The following ADAM2 variants were observed in gnomAD, a reference collection of about 807,000 sequenced individuals.
The protein encoded by ADAM2 is disintegrin and metalloproteinase domain-containing protein 2.
Under a neutral mutation model 99.3 loss-of-function variants are expected in ADAM2, and 101 were observed. The ratio of observed to expected loss-of-function variants is 1.02; its 90% CI spans 0.87 to 1.20. ADAM2 has a LOEUF of 1.20. Among genes scored for constraint, ADAM2 ranks in the 50% most tolerant of loss-of-function variants. ADAM2 has a pLI of 0.00. For missense variants in ADAM2, 948 were observed against 878.7 expected (o/e 1.08, Z -1.00); for synonymous variants, 323 against 287.6 (o/e 1.12, Z -1.25).
intron 7 of ADAM2, among the ~76,000 whole-genome samples, chr8:39,792,841 TAGAA>T (rs1215973549): frequency 3.3e-5 from 5 of 152,084 alleles, no homozygotes; most frequent in Non-Finnish European, 7.4e-5. Context: ...AGCCCATACA[TAGAA>T]AATGCTTTTT....
intron 4 of ADAM2, among the ~76,000 whole-genome samples, chr8:39,823,247 G>T (rs1805270655): frequency 6.6e-6 from 1 of 152,064 alleles, no homozygotes; most frequent in Non-Finnish European, 1.5e-5. Context: ...GGTTTAGCTG[G>T]CTGATTTTTT....
At chr8:39,786,867 G>A (rs1379270250) in intron 10 of ADAM2, 107 bp downstream of exon 10, 5 of 754,860 alleles carry the variant, frequency 6.6e-6, no homozygotes, top group Non-Finnish European at 1.0e-5. Flanking sequence ...CAGTGACAAA[G>A]ATGCTTAGAA....
chr8:39,833,867 A>T, intron 3 of ADAM2, 77 bp downstream of exon 3: 6 of 814,042 alleles, frequency 7.4e-6, no homozygotes, highest in Non-Finnish European at 1.0e-5. Context: ...AATACAAAAT[A>T]ATTACATTCT....
chr8:39,797,195 G>A (rs922359520), intron 7 of ADAM2, among the ~76,000 whole-genome samples: 13 of 152,184 alleles, frequency 8.5e-5, no homozygotes, highest in African/African-American at 2.4e-4. Context: ...TTACATTTAA[G>A]TCTTTAATCC....
chr8:39,757,318 A>G (rs757001481), intron 15 of ADAM2, among the ~76,000 whole-genome samples: 1 of 152,120 alleles, frequency 6.6e-6, no homozygotes, highest in Non-Finnish European at 1.5e-5. Flanking sequence ...CACACTTTGA[A>G]GACACCGGAA....
intron 3 of ADAM2, among the ~76,000 whole-genome samples, chr8:39,826,726 A>G (rs1183456283): frequency 6.6e-6 from 1 of 151,376 alleles, no homozygotes; most frequent in Non-Finnish European, 1.5e-5. Context: ...AAAAAAAAAC[A>G]AAAAAACCAA....
At chr8:39,806,471 TTA>T (rs1804447544) in intron 7 of ADAM2, among the ~76,000 whole-genome samples, 1 of 148,228 alleles carries the variant, frequency 6.7e-6, no homozygotes, top group Non-Finnish European at 1.5e-5. Flanking sequence ...AAAAAAAAAG[TTA>T]TATATAATAT....
intron 11 of ADAM2, 127 bp downstream of exon 11, chr8:39,776,897 AT>A: frequency 3.4e-6 from 2 of 594,496 alleles, no homozygotes; most frequent in Non-Finnish European, 5.8e-6. Flanking sequence ...TGGAATACAC[AT>A]TTTGGTCCTG....
chr8:39,787,124 T>A, intron 9 of ADAM2, 69 bp from the exon 10 acceptor site: 1 of 953,738 alleles, frequency 1.0e-6, no homozygotes, highest in Non-Finnish European at 1.6e-6. Flanking sequence ...ATAAGACAAA[T>A]TTTACATTTA....
At position 39,749,375 on chromosome 8, in the gene ADAM2, A is replaced by T; in HGVS notation, c.1951T>A (p.Trp651Arg). 4 of 1,613,560 alleles carry T rather than the reference A, an allele frequency of 2.5e-6. No individual in the cohort carries two copies. Among genetic ancestry groups the T allele is most frequent in the Non-Finnish European group, 3.4e-6 (4 of 1,179,608 alleles). Reference sequence around the variant, plus strand: ...CCACTGTCAATACTCCCACCAGGCCATAGATCTGATTGAACTGAGCAATCT... The same window carrying T: ...CCACTGTCAATACTCCCACCAGGCCTTAGATCTGATTGAACTGAGCAATCT... ...PPDCSVQSDL[W>R]PGGSIDSGNF... The change falls in exon 18 of 21, where the codon TGG (tryptophan) becomes AGG (arginine). Residue 651 changes from tryptophan to arginine, a missense_variant. Transcript: ENST00000265708.
At chr8:39,807,415 T>C (rs781165408) in intron 7 of ADAM2, among the ~76,000 whole-genome samples, 3 of 152,186 alleles carry the variant, frequency 2.0e-5, no homozygotes, top group Non-Finnish European at 4.4e-5. Context: ...GAACACATTT[T>C]GTCTGGGAGA....
chr8:39,803,852 A>ATTTGT (rs773999354), intron 7 of ADAM2, among the ~76,000 whole-genome samples: 19 of 152,116 alleles, frequency 1.2e-4, no homozygotes, highest in Non-Finnish European at 2.4e-4. Flanking sequence ...ATCTTTGCTT[A>ATTTGT]TTTGTTTTGT....
chr8:39,766,959 G>T lies in ADAM2; in HGVS notation c.1396C>A (p.Pro466Thr), dbSNP rs747897128. 1 of 1,614,026 alleles carries T rather than the reference G, an allele frequency of 6.2e-7. No homozygotes were observed. The highest frequency in any genetic ancestry group is 1.6e-4 in the Middle Eastern group (1 of 6,062). ...EYCNGSSASC[P>T]ENHYVQTGHP... The stretch of plus-strand genomic sequence containing the variant: ...CCAGTCTGAACATAGTGGTTTTCTG[G>T]GCATGATGCAGATGATCCATTGCAA... Residue 466 changes from proline (P) to threonine (T), a missense_variant, in exon 14 of 21, where the codon CCA (proline) becomes ACA (threonine). Transcript: ENST00000265708.
intron 2 of ADAM2, 42 bp downstream of exon 2, chr8:39,837,094 T>C (rs1415786371): frequency 2.0e-6 from 3 of 1,477,650 alleles, no homozygotes; most frequent in East Asian, 2.3e-5. Context: ...ACAAAATCTT[T>C]ACATCATTTT....
At chr8:39,787,616 CAG>C (rs1156803766) in intron 9 of ADAM2, among the ~76,000 whole-genome samples, 9 of 150,380 alleles carry the variant, frequency 6.0e-5, no homozygotes, top group Admixed American at 4.0e-4. Context: ...AAAAGAAAAA[CAG>C]AGTCTATTAA....
At chr8:39,801,693 T>G (rs1045949821) in intron 7 of ADAM2, among the ~76,000 whole-genome samples, 4 of 151,186 alleles carry the variant, frequency 2.6e-5, no homozygotes, top group Non-Finnish European at 1.5e-5. Flanking sequence ...ACATCCGGGT[T>G]CTGTCCCTGA....
chr8:39,810,621 T>G (rs2129587049), intron 6 of ADAM2, among the ~76,000 whole-genome samples: 1 of 152,236 alleles, frequency 6.6e-6, no homozygotes, highest in South Asian at 2.1e-4. Flanking sequence ...GAACTCAGGA[T>G]TAAGAAACTC....
intron 11 of ADAM2, among the ~76,000 whole-genome samples, chr8:39,775,990 A>G (rs10091156): frequency 0.45 from 68,524 of 151,946 alleles, 15,788 homozygotes; most frequent in South Asian, 0.66. Context: ...ACAGGTCTGC[A>G]CTGCAAATCT....
intron 7 of ADAM2, among the ~76,000 whole-genome samples, chr8:39,789,907 T>C (rs1402893224): frequency 6.6e-6 from 1 of 151,776 alleles, no homozygotes. Flanking sequence ...CCAAATAAGA[T>C]ATGCAAATAA....
Sources: gnomAD v4.1 joint callset for allele counts (sites outside exome capture counted in the v4.1 genomes callset) on GRCh38, gnomAD v4.1.1 for gene constraint, MANE v1.5 for transcripts, NCBI Gene and HGNC (gene_info 2026-07-23, HGNC 2026-07-21) for gene names.